The following MYRIP variants were observed in gnomAD, a reference collection of about 807,000 sequenced individuals.
MYRIP encodes the protein rab effector MyRIP.
Under a neutral mutation model 98.0 loss-of-function variants are expected in MYRIP, and 49 were observed. The observed-to-expected ratio is 0.50, with a 90% CI of 0.40 to 0.63. The LOEUF is 0.63. MYRIP is among the 30% of genes least tolerant of loss of function. The pLI is 0.00. For synonymous variants in MYRIP, 404 were observed against 409.5 expected, an observed-to-expected ratio of 0.99 and a Z score of 0.16; for missense variants, 1,004 against 1,058.2, an observed-to-expected ratio of 0.95 and a Z score of 0.71.
Position 39,981,838 on chromosome 3 carries a change from T to C in MYRIP, c.111-62212T>C, listed in dbSNP as rs1025068514. Among the ~76,000 whole-genome samples, 7 of 152,174 alleles carry C rather than the reference T, an allele frequency of 4.6e-5. No homozygotes were observed. The East Asian group carries it at 1.3e-3, about 29-fold the overall frequency. On this transcript the variant is annotated intron_variant, in intron 2 of 16. Coordinates refer to ENST00000302541, the MANE Select transcript of MYRIP (RefSeq NM_015460.4). ...GCAGATGTTTGTGGAGGGCCCACTA[T>C]ATGTCAGTCTCTGGGGAGGCCTCAG...
intron 2 of MYRIP, among the ~76,000 whole-genome samples, chr3:39,968,977 T>G (rs185531790): frequency 6.6e-6 from 1 of 152,208 alleles, no homozygotes; most frequent in African/African-American, 2.4e-5. Flanking sequence ...TTTTTCCATT[T>G]GTTTCCATCT....
intron 3 of MYRIP, among the ~76,000 whole-genome samples, chr3:40,129,267 G>A (rs189412058): frequency 3.3e-5 from 5 of 150,898 alleles, no homozygotes; most frequent in East Asian, 1.9e-4. Flanking sequence ...TGAAACCCCC[G>A]TCTCCACTAA....
chr3:39,872,953 A>G (rs1396468758), intron 1 of MYRIP, among the ~76,000 whole-genome samples: 12 of 152,302 alleles, frequency 7.9e-5, no homozygotes, highest in Admixed American at 2.6e-4. Context: ...CAGTCCCCCC[A>G]ACAGTGTAAA....
intron 2 of MYRIP, among the ~76,000 whole-genome samples, chr3:40,031,947 A>G (rs9798920): frequency 0.28 from 42,304 of 151,810 alleles, 6,592 homozygotes; most frequent in Non-Finnish European, 0.36. Context: ...CAGCTCCTGG[A>G]TTCATTAATT....
chr3:39,906,152 C>T (rs1334680906), intron 2 of MYRIP, among the ~76,000 whole-genome samples: 1 of 151,982 alleles, frequency 6.6e-6, no homozygotes, highest in Non-Finnish European at 1.5e-5. Context: ...AATGAATCCT[C>T]TGGGCTTCAT....
chr3:39,867,552 T>C (rs1025599164), intron 1 of MYRIP, among the ~76,000 whole-genome samples: 9 of 152,162 alleles, frequency 5.9e-5, no homozygotes, highest in Admixed American at 4.6e-4. Flanking sequence ...TATGAAAAAG[T>C]GCTCAACATC....
chr3:39,889,303 G>C (rs1943412850), intron 1 of MYRIP, among the ~76,000 whole-genome samples: 1 of 152,144 alleles, frequency 6.6e-6, no homozygotes, highest in Non-Finnish European at 1.5e-5. Context: ...CGATAGACTG[G>C]ATTAAGAAAA....
chr3:39,821,428 A>T (rs1348661099), intron 1 of MYRIP, among the ~76,000 whole-genome samples: 5 of 149,962 alleles, frequency 3.3e-5, no homozygotes, highest in Non-Finnish European at 7.4e-5. Context: ...CCAACTTTTG[A>T]CTTTGTCTTC....
At chr3:40,145,580 C>T (rs1283285520) in intron 3 of MYRIP, among the ~76,000 whole-genome samples, 1 of 152,138 alleles carries the variant, frequency 6.6e-6, no homozygotes, top group African/African-American at 2.4e-5. Flanking sequence ...TAATGTGAGG[C>T]CACTTTGAGA....
intron 10 of MYRIP, among the ~76,000 whole-genome samples, chr3:40,197,915 C>G (rs892232632): frequency 6.6e-6 from 1 of 152,228 alleles, no homozygotes; most frequent in African/African-American, 2.4e-5. Flanking sequence ...ATAATTTCCA[C>G]TCTGCTAGCT....
At chr3:40,096,316 G>A (rs986872466) in intron 3 of MYRIP, among the ~76,000 whole-genome samples, 3 of 152,084 alleles carry the variant, frequency 2.0e-5, no homozygotes, top group Non-Finnish European at 4.4e-5. Context: ...GATGAAACCC[G>A]GCTCTCTGGA....
chr3:39,954,224 C>T (rs1945099150), intron 2 of MYRIP, among the ~76,000 whole-genome samples: 1 of 152,148 alleles, frequency 6.6e-6, no homozygotes. Context: ...AAGTGGGTCC[C>T]TGACACCCAA....
chr3:39,846,396 C>G (rs921300082), intron 1 of MYRIP, among the ~76,000 whole-genome samples: 1 of 152,212 alleles, frequency 6.6e-6, no homozygotes, highest in Non-Finnish European at 1.5e-5. Context: ...CTGTCTCCCA[C>G]CTTTCCTTTT....
chr3:40,121,030 G>C (rs1270639679), intron 3 of MYRIP, among the ~76,000 whole-genome samples: 1 of 152,124 alleles, frequency 6.6e-6, no homozygotes, highest in Non-Finnish European at 1.5e-5. Context: ...GGAGCTAAGA[G>C]CCATGGAGAC....
At chr3:40,158,547 T>A (rs1397193375) in intron 4 of MYRIP, among the ~76,000 whole-genome samples, 1 of 152,172 alleles carries the variant, frequency 6.6e-6, no homozygotes, top group East Asian at 1.9e-4. Context: ...TTCCTGGGTA[T>A]CCTTGTTGAC....
intron 3 of MYRIP, among the ~76,000 whole-genome samples, chr3:40,108,222 G>A (rs756765940): frequency 1.6e-4 from 22 of 140,134 alleles, no homozygotes; most frequent in African/African-American, 4.5e-4. Flanking sequence ...AGGGTGAGTC[G>A]AAGATGGCAC....
chr3:40,097,153 A>G (rs1174491403), intron 3 of MYRIP, among the ~76,000 whole-genome samples: 5 of 152,238 alleles, frequency 3.3e-5, no homozygotes, highest in Non-Finnish European at 7.3e-5. Context: ...TATAATAGCT[A>G]AAATTATTGA....
intron 4 of MYRIP, among the ~76,000 whole-genome samples, chr3:40,159,979 CCTT>C (rs920032614): frequency 2.0e-5 from 3 of 152,166 alleles, no homozygotes; most frequent in African/African-American, 7.2e-5. Context: ...TCATCTGAAG[CCTT>C]CTTCTCTCAG....
chr3:39,839,067 T>C (rs951241264), intron 1 of MYRIP, among the ~76,000 whole-genome samples: 9 of 152,236 alleles, frequency 5.9e-5, no homozygotes, highest in Middle Eastern at 3.4e-3. Flanking sequence ...TTGTGTCTAT[T>C]TGATTCTTCT....
Sources: gnomAD v4.1 joint callset for allele counts (sites outside exome capture counted in the v4.1 genomes callset) on GRCh38, gnomAD v4.1.1 for gene constraint, MANE v1.5 for transcripts, NCBI Gene and HGNC (gene_info 2026-07-23, HGNC 2026-07-21) for gene names.